HSD17B12: variants seen among roughly 807,000 people sequenced by gnomAD.
HSD17B12 encodes very-long-chain 3-oxoacyl-CoA reductase.
In HSD17B12, 32 loss-of-function variants were observed where a neutral mutation model predicts 39.3. The observed-to-expected ratio is 0.81, with a 90% CI of 0.61 to 1.09. The LOEUF (loss-of-function observed/expected upper bound fraction) is 1.09, where lower values mean the gene tolerates loss of function less well. Among genes scored for constraint, HSD17B12 ranks in the 50% least tolerant of loss-of-function variants. The pLI, the probability that HSD17B12 is intolerant of heterozygous loss-of-function variation, is 0.00. For missense variants in HSD17B12, 342 were observed against 382.9 expected (o/e 0.89, Z 0.89); for synonymous variants, 150 against 146.7 (o/e 1.02, Z -0.16).
At chr11:43,751,905 T>G (rs1237398938) in intron 2 of HSD17B12, among the ~76,000 whole-genome samples, 1 of 152,190 alleles carries the variant, frequency 6.6e-6, no homozygotes, top group Non-Finnish European at 1.5e-5. Context: ...AATAGGAAGT[T>G]TAACGTGACA....
At chr11:43,624,303 AT>A in the HSD17B12 span, among the ~76,000 whole-genome samples, 1 of 152,010 alleles carries the variant, frequency 6.6e-6, no homozygotes, top group Non-Finnish European at 1.5e-5. Flanking sequence ...ATATAAAGTT[AT>A]TCTTATAAGA....
At chr11:43,741,938 G>A (rs551673419) in intron 1 of HSD17B12, among the ~76,000 whole-genome samples, 103 of 149,448 alleles carry the variant, frequency 6.9e-4, no homozygotes, top group African/African-American at 2.2e-3. Context: ...GTTTCACCAC[G>A]TTAGCCAGGA....
intron 9 of HSD17B12, among the ~76,000 whole-genome samples, chr11:43,840,479 T>C (rs1433485892): frequency 2.0e-5 from 3 of 152,082 alleles, no homozygotes; most frequent in Non-Finnish European, 4.4e-5. Context: ...TCACCGTCCA[T>C]CTCCAGAACT....
chr11:43,665,896 A>G, the HSD17B12 span, among the ~76,000 whole-genome samples: 143,339 of 152,268 alleles, frequency 0.94, 68,045 homozygotes, highest in East Asian at 1. Flanking sequence ...GCCTGCTGAT[A>G]TCAGCCTATA....
At chr11:43,817,022 CTATATCTATATCTATATCTA>C (rs1423717214) in intron 6 of HSD17B12, among the ~76,000 whole-genome samples, 230 of 20,802 alleles carry the variant, frequency 0.011, 3 homozygotes, top group Middle Eastern at 0.031. Flanking sequence ...ATATCTATAT[CTATATCTATATCTATATCTA>C]TATATATATA....
chr11:43,707,330 A>C (rs1302642066), intron 1 of HSD17B12, among the ~76,000 whole-genome samples: 1 of 152,194 alleles, frequency 6.6e-6, no homozygotes, highest in African/African-American at 2.4e-5. Flanking sequence ...ATAGAGGAGG[A>C]TAGAGAGGAA....
the HSD17B12 span, chr11:43,644,363 G>A: frequency 6.6e-6 from 1 of 152,316 alleles, no homozygotes; most frequent in African/African-American, 2.4e-5. Context: ...GGGCCTGTTA[G>A]TTGTGTTCCT....
chr11:43,607,156 G>A, the HSD17B12 span, among the ~76,000 whole-genome samples: 1 of 152,152 alleles, frequency 6.6e-6, no homozygotes, highest in African/African-American at 2.4e-5. Context: ...AATGTTCTAA[G>A]TAGGATATTG....
rs117282494 is a variant in HSD17B12 at position 43,839,017 on chromosome 11, G to A, written c.618+619G>A. 4.3e-4 allele frequency among the ~76,000 whole-genome samples: 65 copies of A among 152,172 alleles called. No individual in the cohort carries two copies. The East Asian group carries it at 0.012, about 27-fold the overall frequency. ...CTGATAGGAAAGTAATTTAGAATGA[G>A]TCTCCTACTGCCTGCAGGTCAATGG... On this transcript the variant is annotated intron_variant, in intron 8 of 10. Coordinates refer to ENST00000278353, the MANE Select transcript of HSD17B12 (RefSeq NM_016142.3).
chr11:43,626,040 A>G, the HSD17B12 span, among the ~76,000 whole-genome samples: 508 of 151,716 alleles, frequency 3.3e-3, 4 homozygotes, highest in African/African-American at 0.012. Context: ...ATTAGTTAAA[A>G]GTTTTATTTT....
chr11:43,637,441 G>A, the HSD17B12 span, among the ~76,000 whole-genome samples: 1 of 151,942 alleles, frequency 6.6e-6, no homozygotes, highest in African/African-American at 2.4e-5. Flanking sequence ...GGCTGGTCTC[G>A]AACTCCTGAC....
rs963625042 is a variant in HSD17B12 at position 43,728,159 on chromosome 11, G to A, written c.161-22752G>A. Among the ~76,000 whole-genome samples, 5 of 152,038 alleles carry A rather than the reference G, an allele frequency of 3.3e-5. No homozygotes were observed. In the South Asian group the frequency reaches 8.3e-4, roughly 25 times the overall value. Reference sequence around the variant, plus strand: ...CCACTCACTGCAACCTCCGCTTCCTGGGTTCAAGTGATTCTCCTGCCTCAC... The same window carrying A: ...CCACTCACTGCAACCTCCGCTTCCTAGGTTCAAGTGATTCTCCTGCCTCAC... On this transcript the variant is annotated intron_variant, in intron 1 of 10. Coordinates refer to ENST00000278353, the MANE Select transcript of HSD17B12 (RefSeq NM_016142.3).
At chr11:43,708,914 C>A (rs1950039573) in intron 1 of HSD17B12, among the ~76,000 whole-genome samples, 2 of 152,306 alleles carry the variant, frequency 1.3e-5, no homozygotes, top group South Asian at 4.1e-4. Context: ...CGTGCTTTTT[C>A]TGGAACTATA....
At chr11:43,706,816 G>A (rs1303585516) in intron 1 of HSD17B12, among the ~76,000 whole-genome samples, 2 of 151,718 alleles carry the variant, frequency 1.3e-5, no homozygotes, top group Non-Finnish European at 2.9e-5. Flanking sequence ...TGTGTTTAAG[G>A]TACAGTATTA....
At chr11:43,656,887 G>A in the HSD17B12 span, among the ~76,000 whole-genome samples, 6 of 152,188 alleles carry the variant, frequency 3.9e-5, no homozygotes, top group Non-Finnish European at 7.3e-5. Context: ...GTTGATTTGG[G>A]ATGGAGAGTT....
intron 3 of HSD17B12, among the ~76,000 whole-genome samples, chr11:43,781,326 GT>G (rs1950763614): frequency 6.6e-6 from 1 of 152,058 alleles, no homozygotes; most frequent in African/African-American, 2.4e-5. Context: ...CATTAAAAAT[GT>G]TTGTCTGTAT....
At chr11:43,708,205 T>C (rs1590678910) in intron 1 of HSD17B12, among the ~76,000 whole-genome samples, 1 of 152,274 alleles carries the variant, frequency 6.6e-6, no homozygotes, top group South Asian at 2.1e-4. Context: ...ATAGAGGTAA[T>C]CACATTACTT....
At chr11:43,617,818 G>A in the HSD17B12 span, among the ~76,000 whole-genome samples, 27 of 152,198 alleles carry the variant, frequency 1.8e-4, no homozygotes, top group East Asian at 3.5e-3. Flanking sequence ...TCATGTCCTC[G>A]CAGACAGGAG....
At chr11:43,638,576 G>A in the HSD17B12 span, among the ~76,000 whole-genome samples, 2 of 152,294 alleles carry the variant, frequency 1.3e-5, no homozygotes, top group East Asian at 1.9e-4. Context: ...TTTCTTAAAC[G>A]GAAAGGGAAG....
Sources: allele counts gnomAD v4.1 joint callset (sites outside exome capture counted in the v4.1 genomes callset), GRCh38; gene constraint gnomAD v4.1.1; transcripts MANE v1.5; gene names NCBI Gene and HGNC (gene_info 2026-07-23, HGNC 2026-07-21).